The following ZNF274 variants were observed in gnomAD, a reference collection of about 807,000 sequenced individuals.
ZNF274 encodes the protein neurotrophin receptor-interacting factor homolog.
A neutral mutation model predicts 42.5 loss-of-function variants in ZNF274; 23 were observed. That is an observed-to-expected ratio of 0.54 (90% CI 0.39 to 0.77). The LOEUF is 0.77. Among genes scored for constraint, ZNF274 ranks in the 30% least tolerant of loss-of-function variants. The pLI, the probability that ZNF274 is intolerant of heterozygous loss-of-function variation, is 0.00. For synonymous variants in ZNF274, 292 were observed against 305.4 expected (o/e 0.96, Z 0.46); for missense variants, 679 against 806.5 (o/e 0.84, Z 1.91).
At chr19:58,185,053 G>A (rs1391097186) in intron 2 of ZNF274, among the ~76,000 whole-genome samples, 1 of 151,390 alleles carries the variant, frequency 6.6e-6, no homozygotes, top group African/African-American at 2.4e-5. Flanking sequence ...CGGGGAGGCG[G>A]AGCTTGCAGT....
In ZNF274 at chr19:58,211,557, C is replaced by T. The variant is rs1568713300; in HGVS notation, c.853-3C>T. ...GAGCATAGACACATATGTGATGTTA[C>T]AGGAGCCAGTGACCTTCCAGGATGT... On this transcript the variant is annotated splice_region_variant and splice_polypyrimidine_tract_variant and intron_variant, in intron 6 of 7. Coordinates refer to ENST00000617501, the MANE Select transcript of ZNF274 (RefSeq NM_133502.3). This position sits in a 1 kb window ranked among gnomAD's most constrained non-coding sequence, Gnocchi z 4.8. 3.1e-6 allele frequency: 5 copies of T among 1,611,124 alleles called. No individual in the cohort carries two copies. The highest frequency in any genetic ancestry group is 2.5e-6 in the Non-Finnish European group (3 of 1,178,292).
At chr19:58,186,005 C>T (rs2075693603) in intron 3 of ZNF274, 167 bp downstream of exon 3, 1 of 457,466 alleles carries the variant, frequency 2.2e-6, no homozygotes, top group African/African-American at 2.0e-5. Context: ...CCCTGAATAC[C>T]AGGGAGATGG....
At chr19:58,185,449 A>G (rs1452346523) in intron 2 of ZNF274, 1 of 160,848 alleles carries the variant, frequency 6.2e-6, no homozygotes, top group African/African-American at 2.4e-5. Flanking sequence ...AATTAAATAA[A>G]TAAATAAATA....
chr19:58,189,935 C>T (rs942642300), intron 4 of ZNF274, among the ~76,000 whole-genome samples: 1 of 151,698 alleles, frequency 6.6e-6, no homozygotes, highest in Non-Finnish European at 1.5e-5. Context: ...CCATTCTGGC[C>T]AACATGGTGA....
Position 58,206,819 on chromosome 19 carries a change from A to G in ZNF274, c.356A>G (p.Glu119Gly), listed in dbSNP as rs567901886. ...EVVEVLTLNQEVAGPRNAQIQ... is the reference protein window; with the variant it reads ...EVVEVLTLNQGVAGPRNAQIQ... ...GTTGAGGTCCTCACACTGAACCAGG[A>G]GGTGGCTGGTCCCCGGAATGCCCAG... Residue 119 changes from glutamate to glycine, a missense_variant, in exon 5 of 8, where the codon GAG (glutamate) becomes GGG (glycine). By Grantham distance (98) the Glu-to-Gly change is moderately conservative (BLOSUM62 -2). Around this residue, in one of 2 missense-constraint regions of ZNF274, gnomAD observed 223 missense variants for 216.4 expected, o/e 1.03. Transcript: ENST00000617501. 1 of 1,613,938 alleles carries G rather than the reference A, an allele frequency of 6.2e-7. No homozygotes were observed. Among genetic ancestry groups the G allele is most frequent in the East Asian group, 2.2e-5 (1 of 44,886 alleles).
At position 58,212,799 on chromosome 19, in the gene ZNF274, T is replaced by G; in HGVS notation, c.1618T>G (p.Cys540Gly). 6.2e-7 allele frequency: 1 copy of G among 1,614,030 alleles called. No individual in the cohort carries two copies. Among genetic ancestry groups the G allele is most frequent in the Non-Finnish European group, 8.5e-7 (1 of 1,179,904 alleles). Reference protein sequence around the residue: ...TGERPYVCQDCGKGFVQSSSL... With the variant: ...TGERPYVCQDGGKGFVQSSSL... ...AGAGAGGCCCTATGTGTGTCAAGACTGTGGGAAAGGATTTGTTCAGAGCTC... is the reference window on the plus strand; with the variant it reads ...AGAGAGGCCCTATGTGTGTCAAGACGGTGGGAAAGGATTTGTTCAGAGCTC... The change falls in exon 8 of 8, where the codon TGT becomes GGT. Residue 540 changes from cysteine to glycine, a missense_variant. This residue lies in a region of ZNF274 where 456 missense variants were observed against 590.1 expected (regional missense o/e 0.77). Coordinates refer to ENST00000617501, the MANE Select transcript of ZNF274 (RefSeq NM_133502.3). The surrounding 1 kb of genome is among the most constrained non-coding windows in gnomAD (Gnocchi z 4.6).
intron 5 of ZNF274, chr19:58,209,109 G>A (rs1380293092): frequency 6.6e-6 from 1 of 152,294 alleles, no homozygotes; most frequent in South Asian, 2.1e-4. Flanking sequence ...CTCCAATAGT[G>A]TCCTCCAGAC....
intron 4 of ZNF274, among the ~76,000 whole-genome samples, chr19:58,192,263 C>G (rs1015563294): frequency 2.6e-5 from 4 of 152,160 alleles, no homozygotes; most frequent in Non-Finnish European, 4.4e-5. Context: ...ACAGCTCACT[C>G]TGGGTGGCTG....
At chr19:58,192,416 T>G (rs2075788406) in intron 4 of ZNF274, among the ~76,000 whole-genome samples, 1 of 152,126 alleles carries the variant, frequency 6.6e-6, no homozygotes, top group Non-Finnish European at 1.5e-5. Flanking sequence ...GATTCATAGG[T>G]GGACTCAGTG....
Position 58,212,226 on chromosome 19 carries a change from G to A in ZNF274, c.1045G>A (p.Ala349Thr). Reference sequence around the variant, plus strand: ...TTCTGACATTCCTGAGGAAGAACCAGCCCCCAGCCTGAAAGTACAAGAATC... The same window carrying A: ...TTCTGACATTCCTGAGGAAGAACCAACCCCCAGCCTGAAAGTACAAGAATC... ...PNSDIPEEEP[A>T]PSLKVQESSR... Residue 349 changes from alanine to threonine, a missense_variant, in exon 8 of 8, where the codon GCC (alanine) becomes ACC (threonine). By Grantham distance (58) the Ala-to-Thr change is moderately conservative (BLOSUM62 0). This residue lies in a region of ZNF274 where 456 missense variants were observed against 590.1 expected (regional missense o/e 0.77). Coordinates refer to ENST00000617501, the MANE Select transcript of ZNF274 (RefSeq NM_133502.3). The surrounding 1 kb of genome is among the most constrained non-coding windows in gnomAD (Gnocchi z 4.6). The A allele has an allele frequency of 6.2e-7, 1 of 1,613,246 alleles. No homozygotes were observed. The highest frequency in any genetic ancestry group is 8.5e-7 in the Non-Finnish European group (1 of 1,179,846).
At chr19:58,187,707 C>G (rs746860677) in intron 4 of ZNF274, among the ~76,000 whole-genome samples, 1 of 149,332 alleles carries the variant, frequency 6.7e-6, no homozygotes, top group African/African-American at 2.5e-5. Context: ...CATGAGCCAC[C>G]GTGTCTGTCT....
chr19:58,206,600 C>T (rs1442287778), intron 4 of ZNF274, 120 bp from the exon 5 acceptor site: 1 of 1,150,672 alleles, frequency 8.7e-7, no homozygotes, highest in Non-Finnish European at 1.2e-6. Context: ...AACAGCCATG[C>T]TAGTGGGTTT....
In ZNF274 at chr19:58,191,994, A is replaced by G. The variant is rs545258095; in HGVS notation, c.256+4952A>G. 3.3e-5 allele frequency among the ~76,000 whole-genome samples: 5 copies of G among 152,342 alleles called. No homozygotes were observed. In the South Asian group the frequency reaches 1.0e-3, roughly 32 times the overall value. On this transcript the variant is annotated intron_variant, in intron 4 of 7. Coordinates refer to ENST00000617501, the MANE Select transcript of ZNF274 (RefSeq NM_133502.3). ...TGATAAATGTACTGAGAAGGAAAAAAGCCTGATATAAAGAAGGGGAGCAGT... is the reference window on the plus strand; with the variant it reads ...TGATAAATGTACTGAGAAGGAAAAAGGCCTGATATAAAGAAGGGGAGCAGT...
At chr19:58,203,444 C>T (rs2075939033) in intron 4 of ZNF274, among the ~76,000 whole-genome samples, 1 of 152,044 alleles carries the variant, frequency 6.6e-6, no homozygotes, top group Admixed American at 6.6e-5. Context: ...ATTAGCTGGG[C>T]CTGGCGGTGG....
At chr19:58,201,643 G>T (rs1008269587) in intron 4 of ZNF274, among the ~76,000 whole-genome samples, 6 of 151,648 alleles carry the variant, frequency 4.0e-5, no homozygotes, top group African/African-American at 1.5e-4. Context: ...CAGCCTCCCA[G>T]GTAGCTGGGA....
At chr19:58,199,814 TATTA>T (rs2075889064) in intron 4 of ZNF274, among the ~76,000 whole-genome samples, 2 of 152,186 alleles carry the variant, frequency 1.3e-5, no homozygotes, top group Non-Finnish European at 2.9e-5. Context: ...AAGAATAAAT[TATTA>T]AAGAATGAGC....
At chr19:58,183,896 C>A in intron 1 of ZNF274, 25 bp from the exon 2 acceptor site, 1 of 1,512,406 alleles carries the variant, frequency 6.6e-7, no homozygotes, top group Non-Finnish European at 9.0e-7. Flanking sequence ...GCCTCTCCCT[C>A]CCCTCCCAAC....
intron 6 of ZNF274, 185 bp downstream of exon 6, chr19:58,210,258 ACT>A: frequency 3.9e-6 from 2 of 514,230 alleles, no homozygotes; most frequent in South Asian, 4.5e-5. Context: ...CCCTCCAGCC[ACT>A]GTGGCATCAC....
intron 3 of ZNF274, chr19:58,186,087 T>C (rs538478029): frequency 4.2e-6 from 1 of 238,286 alleles, no homozygotes; most frequent in African/African-American, 2.3e-5. Flanking sequence ...CGGCCAGGCA[T>C]GGTGGCTCAC....
Sources: gnomAD v4.1 joint callset for allele counts (sites outside exome capture counted in the v4.1 genomes callset) on GRCh38, gnomAD v4.1.1 for gene constraint, gnomAD v4.1.1 regional missense constraint, Gnocchi (gnomAD v3.1) non-coding constraint, MANE v1.5 for transcripts, NCBI Gene and HGNC (gene_info 2026-07-23, HGNC 2026-07-21) for gene names.